The following SNRNP200 variants were observed in gnomAD, a reference collection of about 807,000 sequenced individuals.
SNRNP200 encodes small nuclear ribonucleoprotein U5 subunit 200, also known as U5 small nuclear ribonucleoprotein 200 kDa helicase.
SNRNP200 carries 66 observed loss-of-function variants against 255.2 expected under a neutral mutation model. The ratio of observed to expected loss-of-function variants is 0.26; its 90% CI spans 0.21 to 0.32. The LOEUF is 0.32. SNRNP200 is among the 10% of genes least tolerant of loss of function. The pLI is 1.00. For synonymous variants in SNRNP200, 939 were observed against 1,027.8 expected (o/e 0.91, Z 1.65); for missense variants, 1,585 against 2,749.8 (o/e 0.58, Z 9.47).
chr2:96,296,481 C>G, intron 13 of SNRNP200, 55 bp downstream of exon 13: 1 of 1,592,238 alleles, frequency 6.3e-7, no homozygotes, highest in Non-Finnish European at 8.6e-7. Context: ...GGCCTGTCCA[C>G]AACACTTTCA....
At position 96,298,363 on chromosome 2, in the gene SNRNP200, A is replaced by G; in HGVS notation, c.1040T>C (p.Met347Thr). ...CTCTGGGTCAGCTTCCATCTTTCCC[A>G]TAATCCTTTCCTTTTCAGCTTCACT... The part of the protein sequence containing the change: ...AQSEAEKERI[M>T]GKMEADPELS... Residue 347 changes from methionine (M) to threonine (T), a missense_variant, in exon 9 of 45, where the codon ATG (methionine) becomes ACG (threonine). Met to Thr is a moderately conservative substitution (Grantham distance 81, BLOSUM62 -1). Around this residue, in one of 9 missense-constraint regions of SNRNP200, gnomAD observed 383 missense variants for 645.3 expected, o/e 0.59. Transcript: ENST00000323853. 1 of 1,614,216 alleles carries G rather than the reference A, an allele frequency of 6.2e-7. No individual in the cohort carries two copies. Among genetic ancestry groups the G allele is most frequent in the South Asian group, 1.1e-5 (1 of 91,080 alleles).
At chr2:96,293,766 T>G (rs961982950) in intron 14 of SNRNP200, among the ~76,000 whole-genome samples, 4 of 152,158 alleles carry the variant, frequency 2.6e-5, no homozygotes, top group African/African-American at 4.8e-5. Context: ...CTCAGATAAA[T>G]GAGTTTAAAC....
chr2:96,282,241 C>T (rs1187534247), intron 34 of SNRNP200: 6 of 340,674 alleles, frequency 1.8e-5, no homozygotes, highest in African/African-American at 4.2e-5. Flanking sequence ...CATGCAGCCA[C>T]GGGCTGGCTC....
At chr2:96,297,299 C>A in intron 11 of SNRNP200, 64 bp downstream of exon 11, 1 of 1,600,770 alleles carries the variant, frequency 6.2e-7, no homozygotes, top group South Asian at 1.1e-5. Flanking sequence ...ACATTTTGGT[C>A]AATGGTTGAA....
chr2:96,277,157 C>T lies in SNRNP200; in HGVS notation c.6016G>A (p.Asp2006Asn). The stretch of plus-strand genomic sequence containing the variant: ...TAGCGGTTACAAAAGCGAGCCACAT[C>T]TGCAATCTGGCTGTCAGTCAGCTGA... ...LLQLTDSQIA[D>N]VARFCNRYPN... Residue 2006 changes from aspartate (D) to asparagine (N), a missense_variant, in exon 42 of 45, where the codon GAT becomes AAT. Around this residue, in one of 9 missense-constraint regions of SNRNP200, gnomAD observed 279 missense variants for 551.2 expected, o/e 0.51. Coordinates refer to ENST00000323853, the MANE Select transcript of SNRNP200 (RefSeq NM_014014.5). The surrounding 1 kb of genome is among the most constrained non-coding windows in gnomAD (Gnocchi z 4.4). 1 of 1,614,184 alleles carries T rather than the reference C, an allele frequency of 6.2e-7. No homozygotes were observed. The highest frequency in any genetic ancestry group is 8.5e-7 in the Non-Finnish European group (1 of 1,179,992).
intron 10 of SNRNP200, 29 bp from the exon 11 acceptor site, chr2:96,297,565 G>C: frequency 5.6e-6 from 9 of 1,614,134 alleles, no homozygotes; most frequent in Non-Finnish European, 7.6e-6. Flanking sequence ...AAAACACAAA[G>C]GAAGTAAGCA....
chr2:96,274,938 C>T lies in SNRNP200; in HGVS notation c.*74G>A. On this transcript the variant is annotated 3_prime_UTR_variant, in exon 45 of 45. Transcript: ENST00000323853. ...AGGCCCACAGACCTGGTCCCCACAA[C>T]CAGGATTCCTACAATGTACACATTC... The T allele has an allele frequency of 6.3e-7, 1 of 1,582,564 alleles. No individual in the cohort carries two copies. Among genetic ancestry groups the T allele is most frequent in the Non-Finnish European group, 8.7e-7 (1 of 1,154,982 alleles).
At position 96,278,259 on chromosome 2, in the gene SNRNP200, T is replaced by C; in HGVS notation, c.5588A>G (p.His1863Arg). The change falls in exon 39 of 45, where the codon CAT (histidine) becomes CGT (arginine). Residue 1863 changes from histidine (H) to arginine (R), a missense_variant. This residue lies in a region of SNRNP200 where 279 missense variants were observed against 551.2 expected (regional missense o/e 0.51). Coordinates refer to ENST00000323853, the MANE Select transcript of SNRNP200 (RefSeq NM_014014.5). The surrounding 1 kb of genome is among the most constrained non-coding windows in gnomAD (Gnocchi z 6.9). ...AEYENIPIRH[H>R]EDNLLRQLAQ... ...CACCTGCCTCAGGAGATTGTCTTCATGGTGCCGGATGGGAATGTTCTCATA... is the reference window on the plus strand; with the variant it reads ...CACCTGCCTCAGGAGATTGTCTTCACGGTGCCGGATGGGAATGTTCTCATA... The C allele has an allele frequency of 6.2e-7, 1 of 1,614,228 alleles. No individual in the cohort carries two copies. Among genetic ancestry groups the C allele is most frequent in the Non-Finnish European group, 8.5e-7 (1 of 1,180,050 alleles).
In SNRNP200 at chr2:96,277,538, C is replaced by T. The variant is rs1196238640; in HGVS notation, c.5931+1G>A. 1 of 1,612,484 alleles carries T rather than the reference C, an allele frequency of 6.2e-7. No homozygotes were observed. The highest frequency in any genetic ancestry group is 8.5e-7 in the Non-Finnish European group (1 of 1,180,034). On this transcript the variant is annotated splice_donor_variant, in intron 41 of 44. Transcript: ENST00000323853. LOFTEE classifies it high-confidence loss of function. The surrounding 1 kb of genome is among the most constrained non-coding windows in gnomAD (Gnocchi z 4.4). ...TGACCCTCTAGGCTGACCCGGCTCACCTTGTCTGTGCAACGTTTGATATGC... is the reference window on the plus strand; with the variant it reads ...TGACCCTCTAGGCTGACCCGGCTCATCTTGTCTGTGCAACGTTTGATATGC...
At chr2:96,302,834 G>A (rs537889308) in intron 3 of SNRNP200, among the ~76,000 whole-genome samples, 2 of 152,224 alleles carry the variant, frequency 1.3e-5, no homozygotes, top group South Asian at 2.1e-4. Flanking sequence ...AGATGGAAGA[G>A]GTACACAGGG....
chr2:96,281,594 C>T (rs1684761339), intron 35 of SNRNP200: 1 of 541,552 alleles, frequency 1.8e-6, no homozygotes. Context: ...TAATTTCCTA[C>T]CTCTCCCAGC....
rs753163961 is a variant in SNRNP200 at position 96,286,402 on chromosome 2, C to A, written c.3912G>T (p.Leu1304=). 6.2e-7 allele frequency: 1 copy of A among 1,614,212 alleles called. No homozygotes were observed. Among genetic ancestry groups the A allele is most frequent in the Non-Finnish European group, 8.5e-7 (1 of 1,180,036 alleles). ...KYPPPTELLD[L]QPLPVSALRN... is the part of the protein sequence containing the mutation. ...TCAGAGCAGACACGGGCAAGGGCTG[C>A]AGGTCCAAAAGTTCGGTTGGAGGGG... Residue 1304 remains leucine, a synonymous_variant, in exon 29 of 45, where the codon CTG becomes CTT. Transcript: ENST00000323853. The surrounding 1 kb of genome is among the most constrained non-coding windows in gnomAD (Gnocchi z 4.8).
chr2:96,280,387 A>G (rs951727470), intron 35 of SNRNP200, among the ~76,000 whole-genome samples: 1 of 152,076 alleles, frequency 6.6e-6, no homozygotes, highest in African/African-American at 2.4e-5. Flanking sequence ...AGTCCCAGCT[A>G]CTTGGGAGAC....
In SNRNP200 at chr2:96,274,424, A is replaced by G. The variant is rs1474684255; in HGVS notation, c.*588T>C. 6.3e-6 allele frequency: 1 copy of G among 159,214 alleles called. No homozygotes were observed. The highest frequency in any genetic ancestry group is 1.4e-5 in the Non-Finnish European group (1 of 72,144). 9.9% of individuals were successfully genotyped at this position (159,214 alleles called of 1,614,324 possible). A position where few individuals can be genotyped will look rare whatever the true frequency, so the allele number is the denominator to read the frequency against. The stretch of plus-strand genomic sequence containing the variant: ...TTCTGGTGCTGCCTCCCAGGAGCAG[A>G]CACTGCAAATTTCAGAACCCCCATC... On this transcript the variant is annotated 3_prime_UTR_variant, in exon 45 of 45. Coordinates refer to ENST00000323853, the MANE Select transcript of SNRNP200 (RefSeq NM_014014.5).
At chr2:96,284,325 G>C (rs1180086869) in intron 31 of SNRNP200, 33 bp downstream of exon 31, 1 of 1,579,482 alleles carries the variant, frequency 6.3e-7, no homozygotes, top group Non-Finnish European at 8.7e-7. Flanking sequence ...GTCAGTCCCA[G>C]TCCCTCATCT....
intron 2 of SNRNP200, among the ~76,000 whole-genome samples, chr2:96,304,296 C>G (rs2063973529): frequency 6.6e-6 from 1 of 151,690 alleles, no homozygotes; most frequent in Non-Finnish European, 1.5e-5. Context: ...AGAAACCTGT[C>G]TTTCATACTA....
intron 13 of SNRNP200, 144 bp downstream of exon 13, chr2:96,296,392 G>T: frequency 1.2e-6 from 1 of 820,800 alleles, no homozygotes; most frequent in Non-Finnish European, 2.0e-6. Context: ...TCTTGGAAAT[G>T]GGGAGAGAAA....
At position 96,283,968 on chromosome 2, in the gene SNRNP200, T is replaced by C. The variant is rs1290175232; in HGVS notation, c.4429A>G (p.Ile1477Val). The change falls in exon 32 of 45, where the codon ATC becomes GTC. Residue 1477 changes from isoleucine (I) to valine (V), a missense_variant. Coordinates refer to ENST00000323853, the MANE Select transcript of SNRNP200 (RefSeq NM_014014.5). This position sits in a 1 kb window ranked among gnomAD's most constrained non-coding sequence, Gnocchi z 4.7. The part of the protein sequence containing the change: ...LEVICSRMRY[I>V]SSQIERPIRI... ...ATGGGCCGCTCAATCTGGGAGGAGA[T>C]GTAGCGCATTCGGGAGCAGATCACT... 6.3e-7 allele frequency: 1 copy of C among 1,598,610 alleles called. No individual in the cohort carries two copies. The highest frequency in any genetic ancestry group is 1.7e-5 in the Admixed American group (1 of 57,924).
intron 2 of SNRNP200, among the ~76,000 whole-genome samples, 163 bp from the exon 3 acceptor site, chr2:96,303,493 C>T (rs1417329686): frequency 1.3e-5 from 2 of 152,174 alleles, no homozygotes; most frequent in African/African-American, 4.8e-5. Context: ...TAATCACTTG[C>T]AGGAGTATTT....
Sources: allele counts gnomAD v4.1 joint callset (sites outside exome capture counted in the v4.1 genomes callset), GRCh38; gene constraint gnomAD v4.1.1; regional missense constraint gnomAD v4.1.1; non-coding constraint Gnocchi (gnomAD v3.1); transcripts MANE v1.5; gene names NCBI Gene and HGNC (gene_info 2026-07-23, HGNC 2026-07-21).